MAGI2: variants seen among roughly 807,000 people sequenced by gnomAD.
The protein encoded by MAGI2 is membrane associated guanylate kinase, WW and PDZ domain containing 2, also known as membrane-associated guanylate kinase, WW and PDZ domain-containing protein 2.
In MAGI2, 35 loss-of-function variants were observed where a neutral mutation model predicts 133.3. The ratio of observed to expected loss-of-function variants is 0.26; its 90% confidence interval spans 0.20 to 0.35. MAGI2 has a LOEUF of 0.35. MAGI2 is among the 10% of genes least tolerant of loss of function. The probability of loss-of-function intolerance (pLI) is 1.00; values close to 1 mark genes in which losing one functional copy is unlikely to be tolerated. For missense variants in MAGI2, 1,636 were observed against 1,863.4 expected, an observed-to-expected ratio of 0.88 and a Z score of 2.25; for synonymous variants, 729 against 710.6, an observed-to-expected ratio of 1.03 and a Z score of -0.41.
chr7:79,441,212 G>A (rs1475438730), intron 1 of MAGI2, among the ~76,000 whole-genome samples: 1 of 152,144 alleles, frequency 6.6e-6, no homozygotes, highest in African/African-American at 2.4e-5. Flanking sequence ...CTGGCATTTT[G>A]ATACTAAGAA....
At chr7:79,430,259 C>T (rs1847685559) in intron 1 of MAGI2, among the ~76,000 whole-genome samples, 1 of 152,120 alleles carries the variant, frequency 6.6e-6, no homozygotes, top group Non-Finnish European at 1.5e-5. Context: ...TAAGGCTTTG[C>T]AGGATTTTTA....
intron 1 of MAGI2, among the ~76,000 whole-genome samples, chr7:79,145,044 G>T (rs1187536807): frequency 6.6e-6 from 1 of 152,092 alleles, no homozygotes; most frequent in Non-Finnish European, 1.5e-5. Flanking sequence ...TTTTCTAGGG[G>T]TTGACAAGGT....
intron 21 of MAGI2, among the ~76,000 whole-genome samples, chr7:78,076,188 G>A (rs1360281386): frequency 6.6e-6 from 1 of 152,192 alleles, no homozygotes; most frequent in African/African-American, 2.4e-5. Context: ...TGGGTGCGGT[G>A]GCTCATGCCT....
chr7:78,402,400 C>A (rs1796971618), intron 6 of MAGI2, among the ~76,000 whole-genome samples: 1 of 150,858 alleles, frequency 6.6e-6, no homozygotes, highest in South Asian at 2.1e-4. Context: ...GTGTGTCCAC[C>A]TGGGGCATGT....
intron 1 of MAGI2, among the ~76,000 whole-genome samples, chr7:79,026,072 T>C (rs1809854633): frequency 6.6e-6 from 1 of 152,234 alleles, no homozygotes; most frequent in Non-Finnish European, 1.5e-5. Flanking sequence ...CTGAAGTCTA[T>C]CAGTTAAAAT....
At chr7:79,052,372 A>C (rs1812751477) in intron 1 of MAGI2, among the ~76,000 whole-genome samples, 1 of 152,232 alleles carries the variant, frequency 6.6e-6, no homozygotes, top group African/African-American at 2.4e-5. Context: ...AAGAATTGCA[A>C]GACAGTGAAA....
chr7:79,279,481 C>A (rs1012816421), intron 1 of MAGI2, among the ~76,000 whole-genome samples: 1 of 152,164 alleles, frequency 6.6e-6, no homozygotes, highest in African/African-American at 2.4e-5. Context: ...CCAAGCCACC[C>A]TTCCTCTGAA....
intron 6 of MAGI2, among the ~76,000 whole-genome samples, chr7:78,481,111 C>T (rs1169763819): frequency 6.6e-6 from 1 of 151,846 alleles, no homozygotes; most frequent in Non-Finnish European, 1.5e-5. Flanking sequence ...ATATCTAAAA[C>T]AATTTTGATA....
intron 11 of MAGI2, 125 bp downstream of exon 11, chr7:78,201,037 A>G (rs371021097): frequency 4.8e-6 from 3 of 629,948 alleles, no homozygotes. Flanking sequence ...CAGAGGATTT[A>G]TTTTTTTTAC....
chr7:79,379,074 T>C (rs1843599019), intron 1 of MAGI2, among the ~76,000 whole-genome samples: 1 of 150,382 alleles, frequency 6.6e-6, no homozygotes, highest in Admixed American at 6.7e-5. Flanking sequence ...ACTCGTCATT[T>C]ACATTAGGTA....
chr7:78,095,948 T>C (rs2151230123), intron 20 of MAGI2, among the ~76,000 whole-genome samples: 1 of 152,364 alleles, frequency 6.6e-6, no homozygotes, highest in African/African-American at 2.4e-5. Context: ...GGATTATCTG[T>C]TAATTTTAAT....
intron 6 of MAGI2, among the ~76,000 whole-genome samples, chr7:78,488,429 A>G (rs1347279993): frequency 6.6e-6 from 1 of 152,078 alleles, no homozygotes; most frequent in Non-Finnish European, 1.5e-5. Context: ...AGAACTGCAA[A>G]ATTGTTAAAT....
chr7:78,565,250 C>A (rs1800825535), intron 3 of MAGI2, among the ~76,000 whole-genome samples: 1 of 151,874 alleles, frequency 6.6e-6, no homozygotes, highest in Admixed American at 6.6e-5. Flanking sequence ...TCACTTGAGG[C>A]CAGGAGTCCA....
At chr7:78,513,161 C>G (rs967694130) in intron 4 of MAGI2, among the ~76,000 whole-genome samples, 1 of 151,944 alleles carries the variant, frequency 6.6e-6, no homozygotes, top group Non-Finnish European at 1.5e-5. Context: ...TTATATAAAA[C>G]AGGAGGCCAC....
chr7:78,880,029 G>T (rs566300127), intron 2 of MAGI2, among the ~76,000 whole-genome samples: 78 of 152,050 alleles, frequency 5.1e-4, no homozygotes, highest in African/African-American at 1.6e-3. Flanking sequence ...ATAGTCAAAA[G>T]AATTTAATAA....
At chr7:78,815,222 G>A (rs951513195) in intron 2 of MAGI2, among the ~76,000 whole-genome samples, 4 of 152,180 alleles carry the variant, frequency 2.6e-5, no homozygotes, top group African/African-American at 9.6e-5. Context: ...TATCACTCAG[G>A]GGTAGTTTTA....
chr7:78,707,681 T>G (rs539153717), intron 2 of MAGI2, among the ~76,000 whole-genome samples: 1 of 152,164 alleles, frequency 6.6e-6, no homozygotes, highest in Non-Finnish European at 1.5e-5. Context: ...TGCATTCTTA[T>G]ATCTCATTAT....
chr7:78,485,842 T>G (rs1394125455), intron 6 of MAGI2: 2 of 152,000 alleles, frequency 1.3e-5, no homozygotes, highest in African/African-American at 4.8e-5. Context: ...ACATCCAAAA[T>G]GTACAATTTT....
chr7:78,682,697 C>CT (rs1815822015), intron 2 of MAGI2, among the ~76,000 whole-genome samples: 1 of 152,046 alleles, frequency 6.6e-6, no homozygotes, highest in South Asian at 2.1e-4. Context: ...GTGCATGTGT[C>CT]TTTATAGTAG....
Sources: allele counts gnomAD v4.1 joint callset (sites outside exome capture counted in the v4.1 genomes callset), GRCh38; gene constraint gnomAD v4.1.1; transcripts MANE v1.5; gene names NCBI Gene and HGNC (gene_info 2026-07-23, HGNC 2026-07-21).